The following PCDHGA9 variants were observed in gnomAD, a reference collection of about 807,000 sequenced individuals.
The protein encoded by PCDHGA9 is protocadherin gamma-A9.
A neutral mutation model predicts 62.5 loss-of-function variants in PCDHGA9; 37 were observed. That is an observed-to-expected ratio of 0.59 (90% confidence interval 0.46 to 0.78). PCDHGA9 has a LOEUF of 0.78. PCDHGA9 is among the 30% of genes least tolerant of loss of function. The pLI, the probability that PCDHGA9 is intolerant of heterozygous loss-of-function variation, is 0.00. For missense variants in PCDHGA9, 1,138 were observed against 1,166.2 expected (o/e 0.98, Z 0.35); for synonymous variants, 459 against 484.6 (o/e 0.95, Z 0.69).
chr5:141,423,004 G>T lies in PCDHGA9; in HGVS notation c.2424+17628G>T, dbSNP rs1206727312. 2 of 1,614,116 alleles carry T rather than the reference G, an allele frequency of 1.2e-6. No individual in the cohort carries two copies. Among genetic ancestry groups the T allele is most frequent in the African/African-American group, 1.3e-5 (1 of 74,958 alleles). ...ACCTGGCTACCTGGTGACCAAGGTG[G>T]TTGCGGTGGACAAAGATTCAGGCCA... On this transcript the variant is annotated intron_variant, in intron 1 of 3. Transcript: ENST00000573521.
chr5:141,494,153 G>T (rs2099752286), intron 1 of PCDHGA9, among the ~76,000 whole-genome samples: 1 of 152,186 alleles, frequency 6.6e-6, no homozygotes, highest in Non-Finnish European at 1.5e-5. Flanking sequence ...CCATTGTCTG[G>T]CACGGAGTTC....
intron 1 of PCDHGA9, among the ~76,000 whole-genome samples, chr5:141,439,530 C>T (rs1003383726): frequency 6.6e-6 from 1 of 152,180 alleles, no homozygotes; most frequent in Non-Finnish European, 1.5e-5. Flanking sequence ...CTCTACAGAA[C>T]GCTGTCCTCT....
intron 1 of PCDHGA9, among the ~76,000 whole-genome samples, chr5:141,460,997 G>A (rs1322943324): frequency 3.4e-5 from 5 of 147,290 alleles, no homozygotes; most frequent in Admixed American, 1.4e-4. Flanking sequence ...ATATATATAT[G>A]TGTATATATA....
At chr5:141,414,899 G>C (rs756810046) in intron 1 of PCDHGA9, 4 of 1,614,182 alleles carry the variant, frequency 2.5e-6, no homozygotes, top group Non-Finnish European at 3.4e-6. Context: ...CCCACAGACG[G>C]TTCCACAGGC....
rs953182246 is a variant in PCDHGA9, at chr5:141,511,757, C to T, written c.*584C>T. ...CTCAAGTTTTGGAGGACATGATCAC[C>T]ATCCCCATGGTACTGATGCTTGCTG... is the stretch of plus-strand genomic sequence containing the variant. On this transcript the variant is annotated 3_prime_UTR_variant, in exon 4 of 4. Coordinates refer to ENST00000573521, the MANE Select transcript of PCDHGA9 (RefSeq NM_018921.3). The T allele has an allele frequency of 6.9e-5, 12 of 174,122 alleles. No individual in the cohort carries two copies. The highest frequency in any genetic ancestry group is 2.8e-4 in the African/African-American group (12 of 42,412). The allele number at this position is 174,122 out of a possible 1,614,324, so 10.8% of individuals were successfully genotyped here.
chr5:141,459,162 T>A (rs1408033955), intron 1 of PCDHGA9, among the ~76,000 whole-genome samples: 3 of 152,224 alleles, frequency 2.0e-5, no homozygotes, highest in African/African-American at 7.2e-5. Context: ...AACATTTCTA[T>A]AACCTTCAAA....
chr5:141,455,107 C>T (rs1027661420), intron 1 of PCDHGA9, among the ~76,000 whole-genome samples: 20 of 151,774 alleles, frequency 1.3e-4, no homozygotes, highest in Non-Finnish European at 2.4e-4. Context: ...CCACTGCGCC[C>T]GGTGGGTCTA....
At position 141,485,939 on chromosome 5, in the gene PCDHGA9, C is replaced by A; in HGVS notation, c.2425-8868C>A. ...CAGGATTAGTGTGTTGGAGAGCGCA[C>A]CAGCGGGCATGGTGCTCATCCAGCT... On this transcript the variant is annotated intron_variant, in intron 1 of 3. Transcript: ENST00000573521. This position sits in a 1 kb window ranked among gnomAD's most constrained non-coding sequence, Gnocchi z 5.7. 1 of 1,614,140 alleles carries A rather than the reference C, an allele frequency of 6.2e-7. No homozygotes were observed. The highest frequency in any genetic ancestry group is 8.5e-7 in the Non-Finnish European group (1 of 1,180,030).
intron 1 of PCDHGA9, chr5:141,492,013 T>G: frequency 1.6e-6 from 1 of 610,970 alleles, no homozygotes; most frequent in Non-Finnish European, 2.7e-6. Context: ...TCCGCGGGTG[T>G]CGGGGGTCCC....
intron 1 of PCDHGA9, among the ~76,000 whole-genome samples, chr5:141,449,589 A>G (rs1196329432): frequency 7.6e-6 from 1 of 131,966 alleles, no homozygotes; most frequent in Non-Finnish European, 1.7e-5. Context: ...ACTCTGTCTC[A>G]AAAAAAAAAA....
intron 1 of PCDHGA9, chr5:141,492,027 A>T (rs1157170828): frequency 8.8e-6 from 5 of 565,466 alleles, no homozygotes; most frequent in African/African-American, 7.7e-5. Flanking sequence ...GGGTCCCGGG[A>T]GGAGGCAGTC....
chr5:141,425,241 AG>A (rs2096863585), intron 1 of PCDHGA9, among the ~76,000 whole-genome samples: 1 of 152,220 alleles, frequency 6.6e-6, no homozygotes, highest in Admixed American at 6.5e-5. Flanking sequence ...TTAAATAAAA[AG>A]GATATGAGGT....
At position 141,510,947 on chromosome 5, in the gene PCDHGA9, A is replaced by C; in HGVS notation, c.2573A>C (p.Glu858Ala). Residue 858 changes from glutamate to alanine, a missense_variant and splice_region_variant, in exon 4 of 4, where the codon GAA (glutamate) becomes GCA (alanine). By Grantham distance (107) the Glu-to-Ala change is moderately radical. Transcript: ENST00000573521. ...ACCTGATCTTCCTCTGTCTCTGCAG[A>C]AGCTGCTGATGGGAGCTCCACCCTG... ...LQAMILASAS[E>A]AADGSSTLGG... The C allele has an allele frequency of 6.2e-7, 1 of 1,614,084 alleles. No individual in the cohort carries two copies. Among genetic ancestry groups the C allele is most frequent in the Non-Finnish European group, 8.5e-7 (1 of 1,180,000 alleles).
rs749095017 is a variant in PCDHGA9, at chr5:141,489,455, G to A, written c.2425-5352G>A. 1 of 1,614,042 alleles carries A rather than the reference G, an allele frequency of 6.2e-7. No homozygotes were observed. ...CTGCAATTGGGCTCTGAGGAGAATGGGCGCTATTTTTCCCTGAGCTTGATG... is the reference window on the plus strand; with the variant it reads ...CTGCAATTGGGCTCTGAGGAGAATGAGCGCTATTTTTCCCTGAGCTTGATG... On this transcript the variant is annotated intron_variant, in intron 1 of 3. Coordinates refer to ENST00000573521, the MANE Select transcript of PCDHGA9 (RefSeq NM_018921.3). This position sits in a 1 kb window ranked among gnomAD's most constrained non-coding sequence, Gnocchi z 4.5.
Position 141,476,682 on chromosome 5 carries a change from A to G in PCDHGA9, c.2425-18125A>G, listed in dbSNP as rs987205396. The G allele has an allele frequency of 6.2e-7, 1 of 1,614,072 alleles. No individual in the cohort carries two copies. Among genetic ancestry groups the G allele is most frequent in the African/African-American group, 1.3e-5 (1 of 74,934 alleles). ...GCGCTTCGCGTGCAGACGCGGGAGG[A>G]CAGCACCAAGTACGCGGAGCTGGTG... On this transcript the variant is annotated intron_variant, in intron 1 of 3. Coordinates refer to ENST00000573521, the MANE Select transcript of PCDHGA9 (RefSeq NM_018921.3). The surrounding 1 kb of genome is among the most constrained non-coding windows in gnomAD (Gnocchi z 7.6).
intron 1 of PCDHGA9, among the ~76,000 whole-genome samples, chr5:141,436,889 G>T (rs1319754318): frequency 6.6e-6 from 1 of 152,208 alleles, no homozygotes; most frequent in Non-Finnish European, 1.5e-5. Flanking sequence ...ATGGGGGAAA[G>T]ATTTTTATAT....
intron 1 of PCDHGA9, chr5:141,408,696 A>G (rs768439069): frequency 6.2e-7 from 1 of 1,613,648 alleles, no homozygotes; most frequent in East Asian, 2.2e-5. Context: ...ATAAACATAA[A>G]CTCAATTAAA....
rs1394234849 is a variant in PCDHGA9 at position 141,415,739 on chromosome 5, GGTTT to G, written c.2424+10364_2424+10367del. The G allele has an allele frequency of 1.9e-3, 837 of 434,806 alleles. 9 individuals are homozygous for G. In the African/African-American group the frequency reaches 0.026, roughly 14 times the overall value. The allele number at this position is 434,806 out of a possible 1,614,324, so 26.9% of individuals were successfully genotyped here. A position where few individuals can be genotyped will look rare whatever the true frequency, so the allele number is the denominator to read the frequency against. On this transcript the variant is annotated intron_variant, in intron 1 of 3. Coordinates refer to ENST00000573521, the MANE Select transcript of PCDHGA9 (RefSeq NM_018921.3). ...ATGAGTAGAATTTGATGTTTATTAAGGTTTTTTTTTTTTTTTTTTTTTTTTTTTT... is the reference window on the plus strand; with the variant it reads ...ATGAGTAGAATTTGATGTTTATTAAGTTTTTTTTTTTTTTTTTTTTTTTTT...
Position 141,404,574 on chromosome 5 carries a change from C to G in PCDHGA9, c.1622C>G (p.Pro541Arg), listed in dbSNP as rs185791741. 3 of 1,613,908 alleles carry G rather than the reference C, an allele frequency of 1.9e-6. No individual in the cohort carries two copies. The East Asian group carries it at 6.7e-5, about 36-fold the overall frequency. ...QVTASDSGSP[P>R]LSSNVSLRLF... The stretch of plus-strand genomic sequence containing the variant: ...ACGGCAAGTGACAGTGGAAGCCCAC[C>G]ACTTAGCAGCAATGTGTCATTGAGA... Residue 541 changes from proline to arginine, a missense_variant, in exon 1 of 4, where the codon CCA (proline) becomes CGA (arginine). Coordinates refer to ENST00000573521, the MANE Select transcript of PCDHGA9 (RefSeq NM_018921.3).
Sources: allele counts gnomAD v4.1 joint callset (sites outside exome capture counted in the v4.1 genomes callset), GRCh38; gene constraint gnomAD v4.1.1; non-coding constraint Gnocchi (gnomAD v3.1); transcripts MANE v1.5; gene names NCBI Gene and HGNC (gene_info 2026-07-23, HGNC 2026-07-21).